Variants in CLNK observed in about 807,000 individuals in gnomAD.
CLNK encodes cytokine-dependent hematopoietic cell linker.
A neutral mutation model predicts 68.6 loss-of-function variants in CLNK; 74 were observed. That is an observed-to-expected ratio of 1.08 (90% CI 0.89 to 1.31). CLNK has a LOEUF of 1.31. CLNK is among the 50% of genes most tolerant of loss of function. The pLI, the probability that CLNK is intolerant of heterozygous loss-of-function variation, is 0.00. For synonymous variants in CLNK, 198 were observed against 172.2 expected, an observed-to-expected ratio of 1.15 and a Z score of -1.17; for missense variants, 553 against 515.3, an observed-to-expected ratio of 1.07 and a Z score of -0.71.
At chr4:10,542,414 A>G (rs2108809452) in intron 8 of CLNK, 134 bp from the exon 9 acceptor site, 1 of 650,434 alleles carries the variant, frequency 1.5e-6, no homozygotes, top group East Asian at 2.8e-5. Context: ...TGCTGAGATC[A>G]TATGAGATAC....
intron 1 of CLNK, among the ~76,000 whole-genome samples, chr4:10,678,976 C>G (rs1343252291): frequency 4.6e-5 from 7 of 152,276 alleles, no homozygotes; most frequent in African/African-American, 1.2e-4. Context: ...CCCCATCAAG[C>G]TACCAATGAC....
At chr4:10,636,312 C>G (rs1033821400) in intron 2 of CLNK, among the ~76,000 whole-genome samples, 13 of 152,030 alleles carry the variant, frequency 8.6e-5, no homozygotes, top group African/African-American at 3.1e-4. Context: ...ACACACAGAG[C>G]AGGGAACACA....
chr4:10,520,874 C>A (rs750922167), intron 14 of CLNK, 43 bp from the exon 15 acceptor site: 1 of 1,470,182 alleles, frequency 6.8e-7, no homozygotes, highest in Non-Finnish European at 9.4e-7. Context: ...TTAGTATTTC[C>A]CCTTGGTGGT....
At chr4:10,583,666 G>C (rs899940570) in intron 4 of CLNK, among the ~76,000 whole-genome samples, 2 of 152,116 alleles carry the variant, frequency 1.3e-5, no homozygotes, top group East Asian at 3.9e-4. Context: ...GTTCGAGTGT[G>C]TATGAGCAGG....
At chr4:10,542,539 C>A (rs1363116429) in intron 8 of CLNK, among the ~76,000 whole-genome samples, 2 of 151,786 alleles carry the variant, frequency 1.3e-5, no homozygotes, top group South Asian at 2.1e-4. Flanking sequence ...ACTCACCCAG[C>A]GAGTAAATGG....
rs542468783 is a variant in CLNK, at chr4:10,672,308, T to G, written c.-42-4397A>C. On this transcript the variant is annotated intron_variant, in intron 1 of 18. Coordinates refer to ENST00000226951, the MANE Select transcript of CLNK (RefSeq NM_052964.4). ...TGCGTTCTCTGGATCTGTGAGTCCA[T>G]TCTCTGGGTTTGAACAGGTGAGTTT... Among the ~76,000 whole-genome samples, 42 of 152,332 alleles carry G rather than the reference T, an allele frequency of 2.8e-4. 1 individual carries two copies. In the South Asian group the frequency reaches 7.5e-3, roughly 27 times the overall value.
At chr4:10,694,671 C>T in the CLNK span, among the ~76,000 whole-genome samples, 6 of 152,034 alleles carry the variant, frequency 3.9e-5, no homozygotes, top group African/African-American at 1.5e-4. Flanking sequence ...TATGAAATCA[C>T]CTAACGATGC....
At chr4:10,636,016 A>T (rs1326484809) in intron 2 of CLNK, 1 of 152,182 alleles carries the variant, frequency 6.6e-6, no homozygotes, top group East Asian at 1.9e-4. Context: ...CAAACACTAT[A>T]CTCAAAATAG....
chr4:10,618,365 G>C (rs1271815398), intron 2 of CLNK, among the ~76,000 whole-genome samples: 3 of 152,174 alleles, frequency 2.0e-5, no homozygotes, highest in Non-Finnish European at 4.4e-5. Flanking sequence ...CTGGGGAAGT[G>C]GGTGGGGGAC....
the CLNK span, among the ~76,000 whole-genome samples, chr4:10,714,603 C>A: frequency 6.6e-6 from 1 of 151,978 alleles, no homozygotes; most frequent in African/African-American, 2.4e-5. Flanking sequence ...GATCAAAAAT[C>A]AGGACAGCAG....
chr4:10,621,817 T>C (rs1722471892), intron 2 of CLNK, among the ~76,000 whole-genome samples: 1 of 152,234 alleles, frequency 6.6e-6, no homozygotes, highest in Admixed American at 6.5e-5. Flanking sequence ...CCTATTGTCC[T>C]GTGATTAGAC....
chr4:10,531,158 A>T (rs1157519909), intron 12 of CLNK, among the ~76,000 whole-genome samples: 3 of 152,340 alleles, frequency 2.0e-5, no homozygotes, highest in Non-Finnish European at 4.4e-5. Flanking sequence ...AATTCCTTAG[A>T]GTCCAGTGGG....
intron 2 of CLNK, among the ~76,000 whole-genome samples, chr4:10,656,964 G>T (rs1195730201): frequency 6.6e-6 from 1 of 152,092 alleles, no homozygotes; most frequent in Non-Finnish European, 1.5e-5. Flanking sequence ...AGAACAATCA[G>T]AACTAAGATT....
intron 16 of CLNK, among the ~76,000 whole-genome samples, chr4:10,508,846 T>G (rs59465583): frequency 2.0e-5 from 3 of 151,876 alleles, no homozygotes; most frequent in Non-Finnish European, 4.4e-5. Flanking sequence ...GGTGGCTCAA[T>G]GCCTGTAATC....
In CLNK at chr4:10,598,036, T is replaced by A. The variant is rs371803390; in HGVS notation, c.25A>T (p.Thr9Ser). ...AAATCGTTGGATCCTTCTTTAGTTG[T>A]CTTTCTATTGCCCCTGGGATGAAAG... MNRQGNRK[T>S]TKEGSNDLKF... Residue 9 changes from threonine (T) to serine (S), a missense_variant, in exon 3 of 19, where the codon ACA (threonine) becomes TCA (serine). By Grantham distance (58) the Thr-to-Ser change is moderately conservative. Transcript: ENST00000226951. The A allele has an allele frequency of 2.1e-5, 33 of 1,585,480 alleles. No individual in the cohort carries two copies. The African/African-American group carries it at 3.9e-4, about 19-fold the overall frequency.
At chr4:10,716,268 C>G in the CLNK span, among the ~76,000 whole-genome samples, 2 of 151,954 alleles carry the variant, frequency 1.3e-5, no homozygotes, top group Non-Finnish European at 2.9e-5. Flanking sequence ...CTGATAGGAT[C>G]AAGTAAATAG....
intron 2 of CLNK, among the ~76,000 whole-genome samples, chr4:10,636,692 A>G (rs1482809067): frequency 6.6e-6 from 1 of 152,174 alleles, no homozygotes; most frequent in Non-Finnish European, 1.5e-5. Context: ...GCACTTGGGA[A>G]TGTGTCTGGA....
chr4:10,584,978 G>A (rs760864857), intron 3 of CLNK, 23 bp from the exon 4 acceptor site: 1 of 1,613,230 alleles, frequency 6.2e-7, no homozygotes, highest in Non-Finnish European at 8.5e-7. Flanking sequence ...AGAGAACCAA[G>A]TTAAATGTCC....
At chr4:10,621,652 C>G (rs1023996634) in intron 2 of CLNK, among the ~76,000 whole-genome samples, 2 of 152,220 alleles carry the variant, frequency 1.3e-5, no homozygotes, top group African/African-American at 2.4e-5. Context: ...ATTTATTATT[C>G]TGTCCCTCCA....
Sources: allele counts gnomAD v4.1 joint callset (sites outside exome capture counted in the v4.1 genomes callset), GRCh38; gene constraint gnomAD v4.1.1; transcripts MANE v1.5; gene names NCBI Gene and HGNC (gene_info 2026-07-23, HGNC 2026-07-21).